The following CFAP20DC variants were observed in gnomAD, a reference collection of about 807,000 sequenced individuals.
The protein encoded by CFAP20DC is protein CFAP20DC.
CFAP20DC carries 84 observed loss-of-function variants against 101.7 expected under a neutral mutation model. That is an observed-to-expected ratio of 0.83 (90% CI 0.69 to 0.99). The LOEUF (loss-of-function observed/expected upper bound fraction) is 0.99, where lower values mean the gene tolerates loss of function less well. Among genes scored for constraint, CFAP20DC ranks in the 50% least tolerant of loss-of-function variants. CFAP20DC has a pLI of 0.00. For synonymous variants in CFAP20DC, 359 were observed against 351.2 expected (o/e 1.02, Z -0.25); for missense variants, 1,007 against 970.3 (o/e 1.04, Z -0.50).
At chr3:59,044,534 T>C (rs1436858076) in intron 3 of CFAP20DC, among the ~76,000 whole-genome samples, 2 of 152,014 alleles carry the variant, frequency 1.3e-5, no homozygotes, top group Non-Finnish European at 2.9e-5. Context: ...CATCTTTCCA[T>C]TTAAAAAAGT....
In CFAP20DC at chr3:58,864,026, C is replaced by T. The variant is rs954866732; in HGVS notation, c.1259-134G>A. The T allele has an allele frequency of 3.5e-5, 29 of 820,972 alleles. No homozygotes were observed. The highest frequency in any genetic ancestry group is 2.9e-4 in the African/African-American group (17 of 57,744). 50.9% of individuals were successfully genotyped at this position (820,972 alleles called of 1,614,324 possible). ...AGGCTGCAGTGCAGTCACGCGATCT[C>T]GGCTCACTGCAACCTCCGCCTCCCA... On this transcript the variant is annotated intron_variant, in intron 11 of 16. Coordinates refer to ENST00000482387, the MANE Select transcript of CFAP20DC (RefSeq NM_001394063.1). This position sits in a 1 kb window ranked among gnomAD's most constrained non-coding sequence, Gnocchi z 4.7.
chr3:59,035,075 C>A (rs1294785165), intron 4 of CFAP20DC, among the ~76,000 whole-genome samples: 1 of 152,152 alleles, frequency 6.6e-6, no homozygotes, highest in Non-Finnish European at 1.5e-5. Flanking sequence ...AACTGAACAA[C>A]CTGCTCTTGA....
At chr3:58,856,055 G>T (rs993843393) in intron 12 of CFAP20DC, among the ~76,000 whole-genome samples, 1 of 148,924 alleles carries the variant, frequency 6.7e-6, no homozygotes, top group Admixed American at 6.6e-5. Context: ...ATAAAGTAGA[G>T]ATTTTCCAGT....
chr3:58,806,262 A>C, intron 15 of CFAP20DC, 133 bp downstream of exon 15: 1 of 656,434 alleles, frequency 1.5e-6, no homozygotes, highest in Admixed American at 2.5e-5. Flanking sequence ...CAAGTAGATG[A>C]ACTAGGACTT....
In CFAP20DC at chr3:58,928,384, C is replaced by A. The variant is rs148429201; in HGVS notation, c.393+9264G>T. 4.2e-3 allele frequency among the ~76,000 whole-genome samples: 646 copies of A among 152,250 alleles called. 3 individuals carry two copies. Among genetic ancestry groups the A allele is most frequent in the African/African-American group, 0.015 (622 of 41,538 alleles). ...CTATAGATCAGACAGGACTTATAAT[C>A]CTTATCTAGGACTTACTCTATGCCA... is the stretch of plus-strand genomic sequence containing the variant. On this transcript the variant is annotated intron_variant, in intron 5 of 16. Transcript: ENST00000482387.
intron 4 of CFAP20DC, among the ~76,000 whole-genome samples, chr3:59,034,631 A>T (rs1241281224): frequency 6.6e-6 from 1 of 152,230 alleles, no homozygotes; most frequent in Non-Finnish European, 1.5e-5. Context: ...GATAAACGCA[A>T]CAAGAAGAGC....
At chr3:58,916,758 T>C (rs1671806285) in intron 5 of CFAP20DC, among the ~76,000 whole-genome samples, 1 of 152,142 alleles carries the variant, frequency 6.6e-6, no homozygotes, top group African/African-American at 2.4e-5. Context: ...AATTATTTTT[T>C]GATTTAGCTG....
intron 14 of CFAP20DC, among the ~76,000 whole-genome samples, chr3:58,807,356 C>G (rs866513482): frequency 1.3e-5 from 2 of 152,160 alleles, no homozygotes; most frequent in South Asian, 2.1e-4. Flanking sequence ...GCGGGTACTC[C>G]TCTGAGATAA....
At chr3:58,932,775 A>C (rs928508052) in intron 5 of CFAP20DC, among the ~76,000 whole-genome samples, 3 of 152,250 alleles carry the variant, frequency 2.0e-5, no homozygotes, top group African/African-American at 7.2e-5. Flanking sequence ...TGAAGGAAGC[A>C]CTAAACATGG....
intron 6 of CFAP20DC, among the ~76,000 whole-genome samples, chr3:58,896,900 C>T (rs540958619): frequency 1.3e-5 from 2 of 152,202 alleles, no homozygotes; most frequent in East Asian, 3.9e-4. Flanking sequence ...TCTATCAGGT[C>T]CACTTGATCC....
At chr3:58,936,101 A>C (rs2087555225) in intron 5 of CFAP20DC, among the ~76,000 whole-genome samples, 1 of 152,116 alleles carries the variant, frequency 6.6e-6, no homozygotes, top group Non-Finnish European at 1.5e-5. Context: ...ACCCCATCAA[A>C]AAGTGGGCGA....
chr3:58,937,427 C>T lies in CFAP20DC; in HGVS notation c.393+221G>A, dbSNP rs539037877. ...AATAGCACTTTCTCTCTCCACTGTG[C>T]TTTGTAACACAGTTTTGGTGATTTT... is the stretch of plus-strand genomic sequence containing the variant. On this transcript the variant is annotated intron_variant, in intron 5 of 16. Transcript: ENST00000482387. 3.3e-5 allele frequency among the ~76,000 whole-genome samples: 5 copies of T among 152,264 alleles called. No individual in the cohort carries two copies. The South Asian group carries it at 1.0e-3, about 31-fold the overall frequency.
intron 14 of CFAP20DC, among the ~76,000 whole-genome samples, chr3:58,821,327 C>G (rs549542863): frequency 8.0e-4 from 122 of 152,054 alleles, no homozygotes; most frequent in Middle Eastern, 3.4e-3. Flanking sequence ...TTCTGCACAG[C>G]AAAAGAAACT....
chr3:59,026,759 A>G (rs2093900041), intron 4 of CFAP20DC, among the ~76,000 whole-genome samples: 1 of 152,214 alleles, frequency 6.6e-6, no homozygotes, highest in Non-Finnish European at 1.5e-5. Context: ...AAAATTCAAT[A>G]GGGTAGAAGA....
chr3:59,044,968 CA>C lies in CFAP20DC; in HGVS notation c.205+1260del, dbSNP rs748892935. Among the ~76,000 whole-genome samples the C allele has an allele frequency of 2.7e-5, 4 of 149,876 alleles. No homozygotes were observed. In the East Asian group the frequency reaches 7.9e-4, roughly 29 times the overall value. ...ATAAGTACAAATATATATGGAAATGCAAAAAACCTCCTATTACAGACACACA... is the reference window on the plus strand; with the variant it reads ...ATAAGTACAAATATATATGGAAATGCAAAAACCTCCTATTACAGACACACA... On this transcript the variant is annotated intron_variant, in intron 3 of 16. Coordinates refer to ENST00000482387, the MANE Select transcript of CFAP20DC (RefSeq NM_001394063.1).
intron 5 of CFAP20DC, among the ~76,000 whole-genome samples, chr3:58,932,254 C>T (rs1428825524): frequency 6.6e-6 from 1 of 152,088 alleles, no homozygotes; most frequent in Admixed American, 6.6e-5. Flanking sequence ...ACAAAGCCTC[C>T]AAGAAATATG....
intron 5 of CFAP20DC, among the ~76,000 whole-genome samples, chr3:58,923,559 T>C (rs1041884868): frequency 6.6e-6 from 1 of 152,214 alleles, no homozygotes; most frequent in Non-Finnish European, 1.5e-5. Flanking sequence ...TATCTTCTTA[T>C]TTTATGACAG....
At chr3:58,872,830 G>A (rs576075314) in intron 7 of CFAP20DC, among the ~76,000 whole-genome samples, 1 of 152,016 alleles carries the variant, frequency 6.6e-6, no homozygotes, top group South Asian at 2.1e-4. Flanking sequence ...GAGCTATGCT[G>A]GATGCTGTAA....
chr3:58,802,709 C>G (rs1013826741), intron 15 of CFAP20DC, among the ~76,000 whole-genome samples: 6 of 152,120 alleles, frequency 3.9e-5, no homozygotes, highest in Non-Finnish European at 7.4e-5. Flanking sequence ...TCAAACACTG[C>G]CCTGTGAGTG....
Sources: gnomAD v4.1 joint callset for allele counts (sites outside exome capture counted in the v4.1 genomes callset) on GRCh38, gnomAD v4.1.1 for gene constraint, Gnocchi (gnomAD v3.1) non-coding constraint, MANE v1.5 for transcripts, NCBI Gene and HGNC (gene_info 2026-07-23, HGNC 2026-07-21) for gene names.